CNST: variants seen among roughly 807,000 people sequenced by gnomAD.
The protein encoded by CNST is consortin.
Under a neutral mutation model 72.4 loss-of-function variants are expected in CNST, and 39 were observed. The ratio of observed to expected loss-of-function variants is 0.54; its 90% CI spans 0.42 to 0.70. The LOEUF (loss-of-function observed/expected upper bound fraction) is 0.70, where lower values mean the gene tolerates loss of function less well. Among genes scored for constraint, CNST ranks in the 30% least tolerant of loss-of-function variants. CNST has a pLI of 0.00. For synonymous variants in CNST, 332 were observed against 320.1 expected, an observed-to-expected ratio of 1.04 and a Z score of -0.40; for missense variants, 871 against 868.5, an observed-to-expected ratio of 1.00 and a Z score of -0.04.
intron 9 of CNST, 30 bp from the exon 10 acceptor site, chr1:246,660,169 A>G: frequency 6.4e-7 from 1 of 1,571,748 alleles, no homozygotes; most frequent in Non-Finnish European, 8.6e-7. Context: ...CCTTAATAAA[A>G]GAATTATAGG....
intron 3 of CNST, among the ~76,000 whole-genome samples, chr1:246,629,824 C>G (rs1374830475): frequency 1.3e-5 from 2 of 152,178 alleles, no homozygotes; most frequent in African/African-American, 4.8e-5. Flanking sequence ...CTCTACCTCC[C>G]AGGTTCAAGT....
In CNST at chr1:246,608,489, T is replaced by C. The variant is rs376998833; in HGVS notation, c.380-12940T>C. 2.4e-4 allele frequency among the ~76,000 whole-genome samples: 36 copies of C among 152,364 alleles called. 2 individuals carry two copies. In the East Asian group the frequency reaches 3.5e-3, roughly 15 times the overall value. On this transcript the variant is annotated intron_variant, in intron 2 of 10. Coordinates refer to ENST00000366513, the MANE Select transcript of CNST (RefSeq NM_152609.3). ...AGAGGAAAAGTAGAGAATCCAAACA[T>C]TAATGCTTATTGACATGTTCTACAT...
chr1:246,624,278 A>C (rs1405050921), intron 3 of CNST, among the ~76,000 whole-genome samples: 1 of 152,206 alleles, frequency 6.6e-6, no homozygotes, highest in Non-Finnish European at 1.5e-5. Context: ...TGAACAGTGG[A>C]TTGCACGGCA....
At chr1:246,654,451 A>C (rs1442216818) in intron 9 of CNST, among the ~76,000 whole-genome samples, 2 of 152,210 alleles carry the variant, frequency 1.3e-5, no homozygotes, top group South Asian at 4.1e-4. Context: ...GGAGTCCAGA[A>C]GTTTGTTTCT....
intron 1 of CNST, among the ~76,000 whole-genome samples, chr1:246,590,283 C>T (rs1661464046): frequency 6.6e-6 from 1 of 152,150 alleles, no homozygotes; most frequent in Non-Finnish European, 1.5e-5. Flanking sequence ...GAAAGTTTCG[C>T]AGGGCTTCCT....
intron 1 of CNST, among the ~76,000 whole-genome samples, chr1:246,568,291 G>C (rs768196524): frequency 6.6e-6 from 1 of 152,216 alleles, no homozygotes; most frequent in Non-Finnish European, 1.5e-5. Flanking sequence ...TTTTTATTTT[G>C]CTTTTGAGTG....
At chr1:246,609,561 G>A (rs1448436847) in intron 2 of CNST, among the ~76,000 whole-genome samples, 1 of 152,078 alleles carries the variant, frequency 6.6e-6, no homozygotes, top group Non-Finnish European at 1.5e-5. Flanking sequence ...TGGGCAACAA[G>A]AACGGAACTC....
intron 8 of CNST, among the ~76,000 whole-genome samples, chr1:246,642,887 CT>C (rs141427632): frequency 0.035 from 583 of 16,796 alleles, 24 homozygotes; most frequent in African/African-American, 0.12. Context: ...AGCCTTTTGC[CT>C]TTTTTCCCCC....
chr1:246,661,258 G>A (rs1315046928), intron 10 of CNST, among the ~76,000 whole-genome samples: 1 of 152,118 alleles, frequency 6.6e-6, no homozygotes, highest in Non-Finnish European at 1.5e-5. Context: ...TTACAGGTGT[G>A]AGCCACCGCA....
Position 246,578,607 on chromosome 1 carries a change from G to C in CNST, c.-52+11944G>C, listed in dbSNP as rs894145740. 6.6e-5 allele frequency among the ~76,000 whole-genome samples: 10 copies of C among 151,936 alleles called. No homozygotes were observed. In the East Asian group the frequency reaches 1.2e-3, roughly 18 times the overall value. On this transcript the variant is annotated intron_variant, in intron 1 of 10. Transcript: ENST00000366513. ...AATTGCTTGAACCCGGGAGGCGGAG[G>C]TTGCAGTGAGCCAATATCGTGCCAC...
Position 246,665,782 on chromosome 1 carries a change from A to G in CNST, c.2055A>G (p.Leu685=). The G allele has an allele frequency of 6.2e-7, 1 of 1,614,030 alleles. No homozygotes were observed. The highest frequency in any genetic ancestry group is 1.1e-5 in the South Asian group (1 of 91,074). ...TCCTCAGTGTTGGAGGAACTGCATTATACTGCACTTTCGGTGACATGGAGT... is the reference window on the plus strand; with the variant it reads ...TCCTCAGTGTTGGAGGAACTGCATTGTACTGCACTTTCGGTGACATGGAGT... The part of the protein sequence containing the change: ...TVFLSVGGTA[L]YCTFGDMESP... Residue 685 remains leucine, a synonymous_variant, in exon 11 of 11, where the codon TTA becomes TTG. Transcript: ENST00000366513.
intron 1 of CNST, among the ~76,000 whole-genome samples, chr1:246,587,025 G>A (rs1287882688): frequency 6.6e-6 from 1 of 152,074 alleles, no homozygotes; most frequent in Admixed American, 6.6e-5. Context: ...TTCTATTGCT[G>A]TTTACTTCTA....
chr1:246,629,000 T>C (rs1664612898), intron 3 of CNST, among the ~76,000 whole-genome samples: 1 of 152,250 alleles, frequency 6.6e-6, no homozygotes, highest in South Asian at 2.1e-4. Context: ...GCTAGATACA[T>C]AGTCTCTCTG....
At chr1:246,613,840 C>T (rs558324401) in intron 2 of CNST, among the ~76,000 whole-genome samples, 1 of 148,218 alleles carries the variant, frequency 6.7e-6, no homozygotes, top group South Asian at 2.2e-4. Context: ...ACTACAGGTG[C>T]ACACCACCAT....
intron 1 of CNST, 79 bp downstream of exon 1, chr1:246,566,742 C>G (rs939392936): frequency 2.5e-6 from 1 of 399,716 alleles, no homozygotes; most frequent in Non-Finnish European, 4.4e-6. Flanking sequence ...GCCTCTCGCT[C>G]CTCCCCCTGC....
intron 6 of CNST, among the ~76,000 whole-genome samples, chr1:246,638,146 G>A (rs1051611301): frequency 6.6e-6 from 1 of 152,202 alleles, no homozygotes; most frequent in Non-Finnish European, 1.5e-5. Context: ...TGGAGGCTTT[G>A]GAGGATAGGC....
chr1:246,594,792 G>A (rs1457202566), intron 2 of CNST, among the ~76,000 whole-genome samples: 1 of 152,114 alleles, frequency 6.6e-6, no homozygotes, highest in Non-Finnish European at 1.5e-5. Context: ...AACAGAATGA[G>A]GAGTTATAAA....
At chr1:246,601,023 C>T (rs1474284819) in intron 2 of CNST, among the ~76,000 whole-genome samples, 3 of 152,042 alleles carry the variant, frequency 2.0e-5, no homozygotes, top group Admixed American at 1.3e-4. Flanking sequence ...AACAATGAGA[C>T]GCCAGGCATG....
intron 3 of CNST, among the ~76,000 whole-genome samples, chr1:246,628,776 T>C (rs891016962): frequency 5.3e-5 from 8 of 152,186 alleles, no homozygotes; most frequent in African/African-American, 1.9e-4. Context: ...TATGAATTTG[T>C]GAGGGGGACA....
Sources: allele counts gnomAD v4.1 joint callset (sites outside exome capture counted in the v4.1 genomes callset), GRCh38; gene constraint gnomAD v4.1.1; transcripts MANE v1.5; gene names NCBI Gene and HGNC (gene_info 2026-07-23, HGNC 2026-07-21).